The following ARHGDIB variants were observed in gnomAD, a reference collection of about 807,000 sequenced individuals.
The protein encoded by ARHGDIB is Rho GDP dissociation inhibitor beta.
Under a neutral mutation model 22.6 loss-of-function variants are expected in ARHGDIB, and 20 were observed. The observed-to-expected ratio is 0.88, with a 90% CI of 0.62 to 1.28. The LOEUF is 1.28. ARHGDIB is among the 50% of genes most tolerant of loss of function. ARHGDIB has a pLI of 0.00. For missense variants in ARHGDIB, 254 were observed against 245.4 expected (o/e 1.04, Z -0.23); for synonymous variants, 114 against 96.1 (o/e 1.19, Z -1.09).
intron 1 of ARHGDIB, among the ~76,000 whole-genome samples, chr12:14,957,552 A>G (rs1864327825): frequency 6.6e-6 from 1 of 152,170 alleles, no homozygotes; most frequent in Non-Finnish European, 1.5e-5. Flanking sequence ...ACTATATTAT[A>G]TTTCTTTTAA....
Position 14,949,811 on chromosome 12 carries a change from C to A in ARHGDIB, c.256G>T (p.Asp86Tyr), listed in dbSNP as rs144144662. 17 of 1,613,522 alleles carry A rather than the reference C, an allele frequency of 1.1e-5. No individual in the cohort carries two copies. The highest frequency in any genetic ancestry group is 1.4e-5 in the Non-Finnish European group (17 of 1,179,622). Residue 86 changes from aspartate to tyrosine, a missense_variant, in exon 3 of 6, where the codon GAC (aspartate) becomes TAC (tyrosine). Coordinates refer to ENST00000228945, the MANE Select transcript of ARHGDIB (RefSeq NM_001175.7). ...CESAPGPITM[D>Y]LTGDLEALKK... ...AGATGTGTCTACATACCAGTAAGGT[C>A]CATGGTGATTGGTCCCGGGGCACTC...
intron 3 of ARHGDIB, among the ~76,000 whole-genome samples, chr12:14,949,163 A>G (rs1017092974): frequency 1.3e-5 from 2 of 151,744 alleles, no homozygotes; most frequent in Admixed American, 1.3e-4. Flanking sequence ...TTCTCCTCTC[A>G]TATCCCCTCT....
chr12:14,945,950 C>T (rs917943381), intron 4 of ARHGDIB, among the ~76,000 whole-genome samples: 1 of 152,184 alleles, frequency 6.6e-6, no homozygotes, highest in Non-Finnish European at 1.5e-5. Context: ...ATAAATGCAC[C>T]TTTCTAGATG....
chr12:14,956,451 G>A (rs549958322), intron 1 of ARHGDIB: 7 of 152,288 alleles, frequency 4.6e-5, no homozygotes, highest in African/African-American at 1.4e-4. Flanking sequence ...GGAAGTAAAA[G>A]GGAGATTGGG....
At chr12:14,943,647 G>C (rs1402908824) in intron 5 of ARHGDIB, among the ~76,000 whole-genome samples, 3 of 151,986 alleles carry the variant, frequency 2.0e-5, no homozygotes, top group Non-Finnish European at 2.9e-5. Flanking sequence ...TAACTGGATG[G>C]AACAACAACA....
chr12:14,959,694 AC>A (rs1241891610), intron 1 of ARHGDIB, among the ~76,000 whole-genome samples: 29 of 152,102 alleles, frequency 1.9e-4, no homozygotes, highest in Admixed American at 6.5e-4. Context: ...TGAAAACAGA[AC>A]CTTAATGTTG....
At chr12:14,954,852 G>GATGGATAT (rs1221570460) in intron 1 of ARHGDIB, among the ~76,000 whole-genome samples, 205 of 152,148 alleles carry the variant, frequency 1.3e-3, no homozygotes, top group African/African-American at 4.8e-3. Context: ...ACAAAAAAAG[G>GATGGATAT]GTAACTACGT....
intron 4 of ARHGDIB, among the ~76,000 whole-genome samples, chr12:14,947,365 T>C (rs78367266): frequency 0.045 from 6,902 of 152,252 alleles, 420 homozygotes; most frequent in African/African-American, 0.13. Context: ...AGATCACACT[T>C]CCTGGATTTA....
At chr12:14,952,761 C>G (rs191054754) in intron 1 of ARHGDIB, among the ~76,000 whole-genome samples, 1 of 152,186 alleles carries the variant, frequency 6.6e-6, no homozygotes, top group East Asian at 1.9e-4. Context: ...GACCGAGCAT[C>G]GGAACAACGG....
chr12:14,949,724 T>C (rs1362843517), intron 3 of ARHGDIB, 78 bp downstream of exon 3: 46 of 1,318,818 alleles, frequency 3.5e-5, no homozygotes, highest in Non-Finnish European at 4.3e-5. Flanking sequence ...TTTTCTTCTG[T>C]TGGAACAGGA....
At chr12:14,950,414 G>T in intron 2 of ARHGDIB, 118 bp downstream of exon 2, 1 of 833,490 alleles carries the variant, frequency 1.2e-6, no homozygotes, top group Non-Finnish European at 1.9e-6. Flanking sequence ...ATTGTGCCTC[G>T]CTCACTTTTT....
chr12:14,949,930 T>C (rs1397170029), intron 2 of ARHGDIB, 45 bp from the exon 3 acceptor site: 1 of 1,532,862 alleles, frequency 6.5e-7, no homozygotes, highest in Non-Finnish European at 9.0e-7. Flanking sequence ...GAGACATGTG[T>C]ATAGTGGGTG....
chr12:14,954,810 G>A (rs1002100882), intron 1 of ARHGDIB, among the ~76,000 whole-genome samples: 3 of 152,186 alleles, frequency 2.0e-5, no homozygotes, highest in Non-Finnish European at 4.4e-5. Context: ...CCCATGCTAA[G>A]TGAGTAGACA....
At chr12:14,948,670 A>G (rs922719227) in intron 3 of ARHGDIB, 2 of 152,154 alleles carry the variant, frequency 1.3e-5, no homozygotes, top group African/African-American at 4.8e-5. Flanking sequence ...CAGAAAACCC[A>G]ATTTGGTTTT....
At chr12:14,956,327 T>C (rs1159000803) in intron 1 of ARHGDIB, 1 of 152,212 alleles carries the variant, frequency 6.6e-6, no homozygotes, top group East Asian at 1.9e-4. Context: ...GGCCCCAGTT[T>C]CATCCTCTGC....
chr12:14,950,559 G>C lies in ARHGDIB; in HGVS notation c.154C>G (p.Leu52Val), dbSNP rs1319070077. The C allele has an allele frequency of 6.2e-7, 1 of 1,613,744 alleles. No homozygotes were observed. ...GTCACCACAGGACCATCTCCCAGCAGCGTTTTCTTGTACTTAATTAGACTC... is the reference window on the plus strand; with the variant it reads ...GTCACCACAGGACCATCTCCCAGCACCGTTTTCTTGTACTTAATTAGACTC... ...DESLIKYKKT[L>V]LGDGPVVTDP... The change falls in exon 2 of 6, where the codon CTG (leucine) becomes GTG (valine). Residue 52 changes from leucine to valine, a missense_variant. Coordinates refer to ENST00000228945, the MANE Select transcript of ARHGDIB (RefSeq NM_001175.7).
In ARHGDIB at chr12:14,949,823, G is replaced by A; in HGVS notation, c.244C>T (p.Pro82Ser). Residue 82 changes from proline to serine, a missense_variant, in exon 3 of 6, where the codon CCA becomes TCA. Coordinates refer to ENST00000228945, the MANE Select transcript of ARHGDIB (RefSeq NM_001175.7). Reference sequence around the variant, plus strand: ...ATACCAGTAAGGTCCATGGTGATTGGTCCCGGGGCACTCTCACAAACCAGG... The same window carrying A: ...ATACCAGTAAGGTCCATGGTGATTGATCCCGGGGCACTCTCACAAACCAGG... ...LTLVCESAPG[P>S]ITMDLTGDLE... The A allele has an allele frequency of 6.2e-7, 1 of 1,613,636 alleles. No individual in the cohort carries two copies. Among genetic ancestry groups the A allele is most frequent in the South Asian group, 1.1e-5 (1 of 91,076 alleles).
At chr12:14,960,928 T>C (rs574098198) in intron 1 of ARHGDIB, among the ~76,000 whole-genome samples, 58 of 152,346 alleles carry the variant, frequency 3.8e-4, no homozygotes, top group African/African-American at 1.4e-3. Flanking sequence ...CAATGTGCTA[T>C]ACCATACTTC....
At chr12:14,957,877 GAGGGAGAAGGGAGAA>G in intron 1 of ARHGDIB, among the ~76,000 whole-genome samples, 1 of 152,056 alleles carries the variant, frequency 6.6e-6, no homozygotes, top group Admixed American at 6.5e-5. Context: ...AGAGAGAGAG[GAGGGAGAAGGGAGAA>G]AGAGAGAGAG....
Sources: gnomAD v4.1 joint callset for allele counts (sites outside exome capture counted in the v4.1 genomes callset) on GRCh38, gnomAD v4.1.1 for gene constraint, MANE v1.5 for transcripts, NCBI Gene and HGNC (gene_info 2026-07-23, HGNC 2026-07-21) for gene names.